AGAP1: variants seen among roughly 807,000 people sequenced by gnomAD.
The protein encoded by AGAP1 is arf-GAP with GTPase, ANK repeat and PH domain-containing protein 1.
A neutral mutation model predicts 105.3 loss-of-function variants in AGAP1; 29 were observed. The observed-to-expected ratio is 0.28, with a 90% CI of 0.21 to 0.38. AGAP1 has a LOEUF of 0.38. Among genes scored for constraint, AGAP1 ranks in the 10% least tolerant of loss-of-function variants. The pLI, the probability that AGAP1 is intolerant of heterozygous loss-of-function variation, is 1.00. For missense variants in AGAP1, 998 were observed against 1,165.1 expected (o/e 0.86, Z 2.09); for synonymous variants, 509 against 485.9 (o/e 1.05, Z -0.63).
chr2:235,540,155 T>G (rs1470582041), intron 1 of AGAP1, among the ~76,000 whole-genome samples: 5 of 148,752 alleles, frequency 3.4e-5, no homozygotes, highest in Admixed American at 3.3e-4. Flanking sequence ...CCTCTTTTTT[T>G]TTTTTTTTTT....
chr2:235,711,989 CAA>C (rs1048577712), intron 2 of AGAP1, among the ~76,000 whole-genome samples: 1 of 152,096 alleles, frequency 6.6e-6, no homozygotes, highest in Non-Finnish European at 1.5e-5. Flanking sequence ...GCTTTCTTCT[CAA>C]GAGTGGTAGT....
intron 12 of AGAP1, among the ~76,000 whole-genome samples, chr2:235,948,361 T>C (rs982965342): frequency 2.0e-5 from 3 of 152,152 alleles, no homozygotes; most frequent in African/African-American, 4.8e-5. Context: ...TTTTTGTATG[T>C]TTGGTAGAAA....
chr2:235,951,404 G>A lies in AGAP1; in HGVS notation c.1484-17058G>A, dbSNP rs1456405413. Among the ~76,000 whole-genome samples the A allele has an allele frequency of 6.6e-6, 1 of 152,228 alleles. No individual in the cohort carries two copies. Among genetic ancestry groups the A allele is most frequent in the Non-Finnish European group, 1.5e-5 (1 of 68,038 alleles). Reference sequence around the variant, plus strand: ...ATGCTGTCAGTCATCGTGAGACAGAGTAGCATGGAACTGAAAAATGTGTAG... The same window carrying A: ...ATGCTGTCAGTCATCGTGAGACAGAATAGCATGGAACTGAAAAATGTGTAG... On this transcript the variant is annotated intron_variant, in intron 12 of 17. Coordinates refer to ENST00000304032, the MANE Select transcript of AGAP1 (RefSeq NM_001037131.3). The surrounding 1 kb of genome is among the most constrained non-coding windows in gnomAD (Gnocchi z 4.2).
intron 3 of AGAP1, among the ~76,000 whole-genome samples, chr2:235,730,220 A>C (rs1444936389): frequency 6.6e-6 from 1 of 152,156 alleles, no homozygotes; most frequent in African/African-American, 2.4e-5. Context: ...CATAGGAAGC[A>C]CTAGTGTAGA....
At chr2:235,771,679 C>T (rs1049438535) in intron 6 of AGAP1, among the ~76,000 whole-genome samples, 2 of 152,152 alleles carry the variant, frequency 1.3e-5, no homozygotes, top group Non-Finnish European at 2.9e-5. Context: ...GGTGGGTGCT[C>T]ATCTGCGTCA....
At position 235,622,162 on chromosome 2, in the gene AGAP1, A is replaced by C. The variant is rs1946505472; in HGVS notation, c.164-87017A>C. The stretch of plus-strand genomic sequence containing the variant: ...TCTGTACAAAATTAGATTTAGCTAA[A>C]GTAGCTTAGGTTTTATAAAAGCTGA... On this transcript the variant is annotated intron_variant, in intron 1 of 17. Transcript: ENST00000304032. This position sits in a 1 kb window ranked among gnomAD's most constrained non-coding sequence, Gnocchi z 5.0. 6.6e-6 allele frequency among the ~76,000 whole-genome samples: 1 copy of C among 152,336 alleles called. No homozygotes were observed. The highest frequency in any genetic ancestry group is 1.9e-4 in the East Asian group (1 of 5,180).
chr2:235,571,930 C>CTTTGTGTGTGTG (rs1553568265), intron 1 of AGAP1, among the ~76,000 whole-genome samples: 2 of 66,732 alleles, frequency 3.0e-5, no homozygotes, highest in African/African-American at 1.0e-4. Context: ...CTTGCCCACA[C>CTTTGTGTGTGTG]TTTGTGTGTG....
At chr2:235,661,709 C>G (rs78036450) in intron 1 of AGAP1, among the ~76,000 whole-genome samples, 1 of 152,140 alleles carries the variant, frequency 6.6e-6, no homozygotes, top group African/African-American at 2.4e-5. Flanking sequence ...ATCTGTAGAC[C>G]GTGCTTGGAG....
Position 235,874,676 on chromosome 2 carries a change from T to G in AGAP1, c.1051-8669T>G, listed in dbSNP as rs907403569. On this transcript the variant is annotated intron_variant, in intron 9 of 17. Coordinates refer to ENST00000304032, the MANE Select transcript of AGAP1 (RefSeq NM_001037131.3). This position sits in a 1 kb window ranked among gnomAD's most constrained non-coding sequence, Gnocchi z 4.5. ...GGTCAGGACAGGACTTCGTCATGTTTCTGGCTTTGCCTTCATCTATTCTGG... is the reference window on the plus strand; with the variant it reads ...GGTCAGGACAGGACTTCGTCATGTTGCTGGCTTTGCCTTCATCTATTCTGG... Among the ~76,000 whole-genome samples the G allele has an allele frequency of 6.6e-6, 1 of 152,222 alleles. No individual in the cohort carries two copies. Among genetic ancestry groups the G allele is most frequent in the African/African-American group, 2.4e-5 (1 of 41,458 alleles).
At chr2:235,495,913 G>T (rs1376759851) in intron 1 of AGAP1, among the ~76,000 whole-genome samples, 1 of 152,202 alleles carries the variant, frequency 6.6e-6, no homozygotes, top group East Asian at 1.9e-4. Flanking sequence ...ATACAGACTG[G>T]CCGGTAAGAC....
intron 9 of AGAP1, among the ~76,000 whole-genome samples, chr2:235,828,924 A>G (rs897836007): frequency 3.9e-5 from 6 of 152,222 alleles, no homozygotes; most frequent in Non-Finnish European, 7.3e-5. Context: ...CAGCTCTCAG[A>G]CGCAGCCTGT....
intron 11 of AGAP1, among the ~76,000 whole-genome samples, chr2:235,911,053 A>G (rs149521082): frequency 5.4e-4 from 83 of 152,362 alleles, no homozygotes; most frequent in African/African-American, 1.9e-3. Context: ...TTACATAAGT[A>G]AAAGCATTTA....
rs2149712270 is a variant in AGAP1, at chr2:235,750,640, A to G, written c.673+152A>G. ...ATCGAGAGCAGTCCATTCCAGAGGC[A>G]ATTCTCAGGTATGTTTCATATAAAC... is the stretch of plus-strand genomic sequence containing the variant. On this transcript the variant is annotated intron_variant, in intron 6 of 17. Coordinates refer to ENST00000304032, the MANE Select transcript of AGAP1 (RefSeq NM_001037131.3). The surrounding 1 kb of genome is among the most constrained non-coding windows in gnomAD (Gnocchi z 5.3). 1 of 1,137,716 alleles carries G rather than the reference A, an allele frequency of 8.8e-7. No individual in the cohort carries two copies. The highest frequency in any genetic ancestry group is 2.4e-5 in the East Asian group (1 of 41,050). The allele number at this position is 1,137,716 out of a possible 1,614,324, so 70.5% of individuals were successfully genotyped here.
chr2:235,578,086 G>A lies in AGAP1; in HGVS notation c.163+83237G>A, dbSNP rs1467692804. ...TGCCTGCTGGTCTGAGGGTCCGAGC[G>A]TGATTGGGAGCAGAGACAAGAGTTC... On this transcript the variant is annotated intron_variant, in intron 1 of 17. Coordinates refer to ENST00000304032, the MANE Select transcript of AGAP1 (RefSeq NM_001037131.3). The surrounding 1 kb of genome is among the most constrained non-coding windows in gnomAD (Gnocchi z 4.9). 2.6e-5 allele frequency among the ~76,000 whole-genome samples: 4 copies of A among 152,242 alleles called. No homozygotes were observed. The highest frequency in any genetic ancestry group is 1.9e-4 in the East Asian group (1 of 5,154).
Position 235,655,929 on chromosome 2 carries a change from T to C in AGAP1, c.164-53250T>C, listed in dbSNP as rs1559318281. The stretch of plus-strand genomic sequence containing the variant: ...AAAAGGGAGGGGGCAGTGCAGGATG[T>C]GGCAAGGCAGTTGTTGGAGCTCCGA... On this transcript the variant is annotated intron_variant, in intron 1 of 17. Transcript: ENST00000304032. This position sits in a 1 kb window ranked among gnomAD's most constrained non-coding sequence, Gnocchi z 4.3. Among the ~76,000 whole-genome samples the C allele has an allele frequency of 1.3e-5, 2 of 152,174 alleles. No homozygotes were observed. The highest frequency in any genetic ancestry group is 4.8e-5 in the African/African-American group (2 of 41,438).
intron 1 of AGAP1, among the ~76,000 whole-genome samples, chr2:235,542,207 C>T (rs1012522857): frequency 6.8e-5 from 10 of 147,384 alleles, no homozygotes; most frequent in African/African-American, 2.6e-4. Context: ...GCAGTTCAGA[C>T]AGTGGGTCCC....
Position 236,124,088 on chromosome 2 carries a change from A to G in AGAP1, c.2540A>G (p.Asn847Ser). ...CTGTCCAGGAGAAACAATAACCGGA[A>G]CAACAGCAGTGGGAGGGTGCCCACC... ...PNLSRRNNNRNNSSGRVPTII is the reference protein window; with the variant it reads ...PNLSRRNNNRSNSSGRVPTII Residue 847 changes from asparagine to serine, a missense_variant, in exon 18 of 18, where the codon AAC (asparagine) becomes AGC (serine). Physicochemically the swap from Asn to Ser is conservative, Grantham distance 46 (BLOSUM62 1). Transcript: ENST00000304032. This position sits in a 1 kb window ranked among gnomAD's most constrained non-coding sequence, Gnocchi z 5.1. The G allele has an allele frequency of 6.2e-7, 1 of 1,614,058 alleles. No homozygotes were observed. The highest frequency in any genetic ancestry group is 8.5e-7 in the Non-Finnish European group (1 of 1,179,968).
At chr2:235,819,977 C>T (rs1016028815) in intron 9 of AGAP1, among the ~76,000 whole-genome samples, 3 of 145,090 alleles carry the variant, frequency 2.1e-5, no homozygotes, top group Admixed American at 7.4e-5. Flanking sequence ...GATCTCAGCT[C>T]ACCGCAACCT....
At position 235,732,433 on chromosome 2, in the gene AGAP1, A is replaced by C. The variant is rs1186877311; in HGVS notation, c.311-8530A>C. On this transcript the variant is annotated intron_variant, in intron 3 of 17. Transcript: ENST00000304032. The surrounding 1 kb of genome is among the most constrained non-coding windows in gnomAD (Gnocchi z 4.8). ...TTTCCATTTTATCTCATATTGTTTC[A>C]AATTCTCATACTGGAGGTTCTCGTC... Among the ~76,000 whole-genome samples the C allele has an allele frequency of 6.6e-6, 1 of 152,088 alleles. No individual in the cohort carries two copies. The highest frequency in any genetic ancestry group is 1.5e-5 in the Non-Finnish European group (1 of 68,020).
Sources: gnomAD v4.1 joint callset for allele counts (sites outside exome capture counted in the v4.1 genomes callset) on GRCh38, gnomAD v4.1.1 for gene constraint, Gnocchi (gnomAD v3.1) non-coding constraint, MANE v1.5 for transcripts, NCBI Gene and HGNC (gene_info 2026-07-23, HGNC 2026-07-21) for gene names.